The following AP5Z1 variants were observed in gnomAD, a reference collection of about 807,000 sequenced individuals.
AP5Z1 encodes adaptor related protein complex 5 subunit zeta 1, also known as AP-5 complex subunit zeta-1.
In AP5Z1, 106 loss-of-function variants were observed where a neutral mutation model predicts 83.0. The observed-to-expected ratio is 1.28, with a 90% confidence interval of 1.09 to 1.50. The LOEUF is 1.50. AP5Z1 is among the 40% of genes most tolerant of loss of function. The probability of loss-of-function intolerance (pLI) is 0.00; values close to 1 mark genes in which losing one functional copy is unlikely to be tolerated. For missense variants in AP5Z1, 1,565 were observed against 1,094.2 expected, an observed-to-expected ratio of 1.43 and a Z score of -6.07; for synonymous variants, 751 against 514.1, an observed-to-expected ratio of 1.46 and a Z score of -6.23.
chr7:4,779,676 C>T (rs1039233946), intron 1 of AP5Z1, among the ~76,000 whole-genome samples: 11 of 151,254 alleles, frequency 7.3e-5, no homozygotes, highest in Non-Finnish European at 1.0e-4. Flanking sequence ...GTTTTGCTCT[C>T]GTTGCCCAAG....
chr7:4,779,992 G>A (rs1484919505), intron 1 of AP5Z1, among the ~76,000 whole-genome samples: 1 of 151,880 alleles, frequency 6.6e-6, no homozygotes, highest in Non-Finnish European at 1.5e-5. Context: ...TTTTGCCCAG[G>A]ATGGTCTCAG....
chr7:4,781,514 C>T, intron 2 of AP5Z1, 54 bp from the exon 3 acceptor site: 1 of 1,578,128 alleles, frequency 6.3e-7, no homozygotes, highest in Non-Finnish European at 8.7e-7. Flanking sequence ...GCACCGGGTG[C>T]TCCTGCCACG....
In AP5Z1 at chr7:4,793,261, T is replaced by G. The variant is rs1052715563; in HGVS notation, c.*1876T>G. On this transcript the variant is annotated 3_prime_UTR_variant, in exon 17 of 17. Transcript: ENST00000649063. Reference sequence around the variant, plus strand: ...CAAAGCTCACCAGCTCTCAACTTTTTTTTTAAATAAACTGAAATTTTAGAA... The same window carrying G: ...CAAAGCTCACCAGCTCTCAACTTTTGTTTTAAATAAACTGAAATTTTAGAA... The G allele has an allele frequency of 6.6e-5, 10 of 152,306 alleles. No individual in the cohort carries two copies. Among genetic ancestry groups the G allele is most frequent in the Admixed American group, 1.3e-4 (2 of 15,294 alleles). The allele number at this position is 152,306 out of a possible 1,614,324, so 9.4% of individuals were successfully genotyped here. A position where few individuals can be genotyped will look rare whatever the true frequency, so the allele number is the denominator to read the frequency against.
rs764069318 is a variant in AP5Z1 at position 4,775,670 on chromosome 7, C to G, written c.-46C>G. On this transcript the variant is annotated 5_prime_UTR_variant, in exon 1 of 17. Coordinates refer to ENST00000649063, the MANE Select transcript of AP5Z1 (RefSeq NM_014855.3). ...GGGGTGCGGAGCTCCTGGGCTGCAG[C>G]TCCTGGAGTTTCCGAGGTTCGTGCG... The G allele has an allele frequency of 3.7e-6, 6 of 1,604,862 alleles. No individual in the cohort carries two copies. The highest frequency in any genetic ancestry group is 4.2e-6 in the Non-Finnish European group (5 of 1,179,428).
intron 13 of AP5Z1, 32 bp from the exon 14 acceptor site, chr7:4,789,800 G>A: frequency 6.5e-7 from 1 of 1,537,192 alleles, no homozygotes; most frequent in Non-Finnish European, 8.8e-7. Flanking sequence ...GTGGGGGTGG[G>A]GCTGAGCCTG....
At chr7:4,785,763 T>A in intron 9 of AP5Z1, 79 bp downstream of exon 9, 1 of 792,144 alleles carries the variant, frequency 1.3e-6, no homozygotes, top group Non-Finnish European at 1.6e-6. Flanking sequence ...TTCTTCCCTT[T>A]TTTTTTTTTT....
At position 4,784,275 on chromosome 7, in the gene AP5Z1, T is replaced by A. The variant is rs768378443; in HGVS notation, c.694T>A (p.Phe232Ile). 6.3e-7 allele frequency: 1 copy of A among 1,596,114 alleles called. No homozygotes were observed. Among genetic ancestry groups the A allele is most frequent in the Non-Finnish European group, 8.5e-7 (1 of 1,171,952 alleles). Residue 232 changes from phenylalanine to isoleucine, a missense_variant, in exon 6 of 17, where the codon TTC (phenylalanine) becomes ATC (isoleucine). Phe to Ile is a conservative substitution (Grantham distance 21, BLOSUM62 0). Transcript: ENST00000649063. ...CACGGTGCTCTCCAGCGGCCACCGCTTCACAGACGACCAGTGGCTGAACGT... is the reference window on the plus strand; with the variant it reads ...CACGGTGCTCTCCAGCGGCCACCGCATCACAGACGACCAGTGGCTGAACGT... ...FFTVLSSGHR[F>I]TDDQWLNVQA...
chr7:4,786,156 A>G, intron 9 of AP5Z1, 94 bp from the exon 10 acceptor site: 1 of 1,329,012 alleles, frequency 7.5e-7, no homozygotes, highest in Non-Finnish European at 1.0e-6. Context: ...GGTGTCCTGG[A>G]GAGCAGGCCT....
chr7:4,775,648 G>A lies in AP5Z1; in HGVS notation c.-68G>A, dbSNP rs546354621. The A allele has an allele frequency of 5.0e-6, 8 of 1,594,870 alleles. No individual in the cohort carries two copies. The highest frequency in any genetic ancestry group is 4.4e-5 in the South Asian group (4 of 90,008). ...GACGCGGTCCCGGAAGTTGACCGGG[G>A]TGCGGAGCTCCTGGGCTGCAGCTCC... is the stretch of plus-strand genomic sequence containing the variant. On this transcript the variant is annotated 5_prime_UTR_variant, in exon 1 of 17. The change creates a new upstream start codon in the 5' untranslated region. Coordinates refer to ENST00000649063, the MANE Select transcript of AP5Z1 (RefSeq NM_014855.3).
chr7:4,784,025 G>GA (rs1781460886), intron 5 of AP5Z1, among the ~76,000 whole-genome samples, 178 bp from the exon 6 acceptor site: 1 of 152,204 alleles, frequency 6.6e-6, no homozygotes, highest in Non-Finnish European at 1.5e-5. Context: ...CAGGGTGTGC[G>GA]ACGCGCGTCT....
chr7:4,782,873 A>G (rs1781418532), intron 3 of AP5Z1, among the ~76,000 whole-genome samples: 1 of 152,084 alleles, frequency 6.6e-6, no homozygotes, highest in Non-Finnish European at 1.5e-5. Context: ...CCAGCCACCC[A>G]GCCGCCCTCC....
chr7:4,790,291 A>G (rs1292243465), intron 14 of AP5Z1, 168 bp from the exon 15 acceptor site: 1 of 1,544,144 alleles, frequency 6.5e-7, no homozygotes, highest in Non-Finnish European at 8.7e-7. Context: ...CCTTCTCCCC[A>G]GTGAGAACAG....
chr7:4,777,870 C>G (rs930079111), intron 1 of AP5Z1, among the ~76,000 whole-genome samples: 11 of 152,162 alleles, frequency 7.2e-5, no homozygotes, highest in African/African-American at 2.7e-4. Flanking sequence ...TATTCTTAAG[C>G]CTGTGATTTC....
chr7:4,783,181 C>A, intron 3 of AP5Z1, 135 bp from the exon 4 acceptor site: 1 of 1,351,476 alleles, frequency 7.4e-7, no homozygotes, highest in Non-Finnish European at 9.9e-7. Flanking sequence ...CTGCGCGGGA[C>A]ATCCTCCCTG....
chr7:4,790,038 G>T, intron 14 of AP5Z1, 109 bp downstream of exon 14: 1 of 1,101,026 alleles, frequency 9.1e-7, no homozygotes, highest in Non-Finnish European at 1.2e-6. Context: ...CCCCTAGCTG[G>T]GCCCTCAGCA....
chr7:4,788,828 CTG>C lies in AP5Z1; in HGVS notation c.1596-8_1596-7del, dbSNP rs1781647181. 1 of 1,595,126 alleles carries C rather than the reference CTG, an allele frequency of 6.3e-7. No individual in the cohort carries two copies. ...GGAGCGGGCAGCACTCACGGCCACACTGTGTCCTCAGGTTGGCGCCACTCCAC... is the reference window on the plus strand; with the variant it reads ...GGAGCGGGCAGCACTCACGGCCACACTGTCCTCAGGTTGGCGCCACTCCAC... On this transcript the variant is annotated splice_polypyrimidine_tract_variant and intron_variant, in intron 12 of 16. Coordinates refer to ENST00000649063, the MANE Select transcript of AP5Z1 (RefSeq NM_014855.3).
chr7:4,789,095 G>A (rs540562355), intron 13 of AP5Z1, 144 bp downstream of exon 13: 10 of 703,664 alleles, frequency 1.4e-5, no homozygotes, highest in Admixed American at 2.7e-5. Context: ...GAGGGTCAGG[G>A]AGGCACATGC....
chr7:4,784,694 T>C (rs924295831), intron 6 of AP5Z1, among the ~76,000 whole-genome samples: 2 of 152,160 alleles, frequency 1.3e-5, no homozygotes, highest in Non-Finnish European at 2.9e-5. Flanking sequence ...CCGGCTGCTC[T>C]GTGGACTTGT....
In AP5Z1 at chr7:4,791,427, G is replaced by C. The variant is rs930265834; in HGVS notation, c.*42G>C. 5 of 1,554,942 alleles carry C rather than the reference G, an allele frequency of 3.2e-6. No homozygotes were observed. The African/African-American group carries it at 6.8e-5, about 21-fold the overall frequency. On this transcript the variant is annotated 3_prime_UTR_variant, in exon 17 of 17. Transcript: ENST00000649063. ...GACTTCGGTGCAGATTAAGAGCCTG[G>C]GCAGCCAGCTTGCTACTGAGGCCAG...
Sources: allele counts gnomAD v4.1 joint callset (sites outside exome capture counted in the v4.1 genomes callset), GRCh38; gene constraint gnomAD v4.1.1; transcripts MANE v1.5; gene names NCBI Gene and HGNC (gene_info 2026-07-23, HGNC 2026-07-21).